ANKRD26: variants seen among roughly 807,000 people sequenced by gnomAD.
The protein encoded by ANKRD26 is ankyrin repeat domain-containing protein 26.
In ANKRD26, 141 loss-of-function variants were observed where a neutral mutation model predicts 208.7. That is an observed-to-expected ratio of 0.68 (90% CI 0.59 to 0.78). The LOEUF (loss-of-function observed/expected upper bound fraction) is 0.78. Ranked by LOEUF, ANKRD26 falls within the 30% of genes least tolerant of loss-of-function variation. The pLI, the probability that ANKRD26 is intolerant of heterozygous loss-of-function variation, is 0.00. For synonymous variants in ANKRD26, 636 were observed against 660.4 expected, an observed-to-expected ratio of 0.96 and a Z score of 0.57; for missense variants, 1,889 against 1,938.7, an observed-to-expected ratio of 0.97 and a Z score of 0.48.
rs532285641 is a variant in ANKRD26, at chr10:27,100,463, C to A, written c.-137G>T. On this transcript the variant is annotated 5_prime_UTR_variant, in exon 1 of 34. Coordinates refer to ENST00000376087, the MANE Select transcript of ANKRD26 (RefSeq NM_014915.3). ...CTCCGCGGTTTCCAATCTCTCCCTC[C>A]GGGTTACCAAGCAAGCGATCCCGCT... 1 of 1,323,982 alleles carries A rather than the reference C, an allele frequency of 7.6e-7. No homozygotes were observed. The highest frequency in any genetic ancestry group is 1.0e-6 in the Non-Finnish European group (1 of 982,904). 82.0% of individuals were successfully genotyped at this position (1,323,982 alleles called of 1,614,324 possible).
the ANKRD26 span, among the ~76,000 whole-genome samples, chr10:26,968,676 G>C: frequency 1.3e-5 from 2 of 152,204 alleles, no homozygotes; most frequent in Non-Finnish European, 2.9e-5. Context: ...AAACGTGGAG[G>C]CTGACTTTGA....
At chr10:26,982,775 C>T (rs970501168) in exon 4 of ANKRD26, among the ~76,000 whole-genome samples, 3 of 152,156 alleles carry the variant, frequency 2.0e-5, no homozygotes, top group Non-Finnish European at 4.4e-5. Context: ...TTCTCAGTTG[C>T]ACATTGTCTT....
At chr10:26,973,756 T>G (rs2052183647), downstream of ANKRD26, among the ~76,000 whole-genome samples, 1 of 139,388 alleles carries the variant, frequency 7.2e-6, no homozygotes. Flanking sequence ...TGGGTTCAAG[T>G]GATTCTGCTG....
intron 27 of ANKRD26, among the ~76,000 whole-genome samples, chr10:27,028,058 T>C (rs1228100577): frequency 6.6e-6 from 1 of 152,204 alleles, no homozygotes; most frequent in Non-Finnish European, 1.5e-5. Context: ...TAAGCTATGA[T>C]GTTCAGTAGG....
At chr10:26,991,867 T>A (rs2052493129), downstream of ANKRD26, 1 of 152,198 alleles carries the variant, frequency 6.6e-6, no homozygotes, top group Non-Finnish European at 1.5e-5. Flanking sequence ...CATGACTTCA[T>A]CTGGCTTGCT....
chr10:27,097,961 A>T (rs1359250107), intron 1 of ANKRD26, among the ~76,000 whole-genome samples: 1 of 151,752 alleles, frequency 6.6e-6, no homozygotes, highest in African/African-American at 2.4e-5. Context: ...CCTAATTATC[A>T]TTTATATTTG....
chr10:26,953,162 T>C, the ANKRD26 span, among the ~76,000 whole-genome samples: 1 of 152,302 alleles, frequency 6.6e-6, no homozygotes, highest in South Asian at 2.1e-4. Context: ...GAGTGGGTCA[T>C]GCCTGTAATC....
At chr10:26,972,677 G>A (rs1379342656), downstream of ANKRD26, among the ~76,000 whole-genome samples, 3 of 146,116 alleles carry the variant, frequency 2.1e-5, no homozygotes, top group South Asian at 4.3e-4. Context: ...TGCAAGTTCC[G>A]CCTCCCAGGT....
intron 31 of ANKRD26, among the ~76,000 whole-genome samples, 159 bp from the exon 32 acceptor site, chr10:27,013,269 T>C (rs1327217237): frequency 2.0e-5 from 3 of 152,238 alleles, no homozygotes; most frequent in East Asian, 3.8e-4. Flanking sequence ...GCCTACTGTA[T>C]GCAATTATAA....
At chr10:27,085,394 T>C (rs570172144) in intron 5 of ANKRD26, among the ~76,000 whole-genome samples, 2 of 152,168 alleles carry the variant, frequency 1.3e-5, no homozygotes, top group Non-Finnish European at 2.9e-5. Context: ...CCACCGCACC[T>C]GGCCAGAAGA....
chr10:27,046,901 A>C (rs2054467435), intron 17 of ANKRD26, among the ~76,000 whole-genome samples: 1 of 152,164 alleles, frequency 6.6e-6, no homozygotes, highest in Non-Finnish European at 1.5e-5. Flanking sequence ...ATGAGACAAA[A>C]AATGGGAGAA....
At position 27,061,183 on chromosome 10, in the gene ANKRD26, C is replaced by T. The variant is rs770938637; in HGVS notation, c.1423G>A (p.Glu475Lys). Residue 475 changes from glutamate to lysine, a missense_variant, in exon 13 of 34, where the codon GAG becomes AAG. This residue lies in a region of ANKRD26 where 1,272 missense variants were observed against 1,273.8 expected (regional missense o/e 1.00). Transcript: ENST00000376087. ...GGCATGCCTACATTTCTTGTATCCT[C>T]TAGTTTAGCCATCTTAAAGTTTCTT... Reference protein sequence around the residue: ...GSRNFKMAKLEDTRNVGMPVA... With the variant: ...GSRNFKMAKLKDTRNVGMPVA... 2.5e-6 allele frequency: 4 copies of T among 1,612,646 alleles called. No individual in the cohort carries two copies. The highest frequency in any genetic ancestry group is 1.7e-5 in the Admixed American group (1 of 59,976).
chr10:26,955,201 A>G, the ANKRD26 span, among the ~76,000 whole-genome samples: 64,683 of 151,610 alleles, frequency 0.43, 16,467 homozygotes, highest in Non-Finnish European at 0.54. Flanking sequence ...GGCCGAGGTG[A>G]GCAGATCACC....
chr10:27,081,189 A>T (rs952011579), intron 6 of ANKRD26, among the ~76,000 whole-genome samples: 3 of 145,702 alleles, frequency 2.1e-5, no homozygotes, highest in Non-Finnish European at 3.0e-5. Context: ...ACTCCCCTGA[A>T]CCCCCTATTT....
intron 16 of ANKRD26, chr10:27,051,550 T>C: frequency 1.0e-6 from 1 of 985,010 alleles, no homozygotes; most frequent in Non-Finnish European, 1.2e-6. Context: ...TTATAAAAAT[T>C]CTCATCTGTG....
At chr10:27,013,669 C>T (rs921486190) in intron 31 of ANKRD26, among the ~76,000 whole-genome samples, 1 of 152,172 alleles carries the variant, frequency 6.6e-6, no homozygotes, top group Non-Finnish European at 1.5e-5. Context: ...CATGTGCAAG[C>T]ATTTGCTTTC....
At chr10:27,081,052 T>C in intron 6 of ANKRD26, 1 of 614,700 alleles carries the variant, frequency 1.6e-6, no homozygotes. Context: ...CAGAAGTAGT[T>C]ATAGTACATT....
Position 27,005,446 on chromosome 10 carries a change from A to G in ANKRD26, c.*144T>C. On this transcript the variant is annotated 3_prime_UTR_variant, in exon 34 of 34. Coordinates refer to ENST00000376087, the MANE Select transcript of ANKRD26 (RefSeq NM_014915.3). ...CACTTAAAAGTTAAAGAAGCCAAGT[A>G]ACATTGTTTAAAATACTATATAAAT... is the stretch of plus-strand genomic sequence containing the variant. The G allele has an allele frequency of 7.1e-7, 1 of 1,409,388 alleles. No homozygotes were observed. Among genetic ancestry groups the G allele is most frequent in the Non-Finnish European group, 9.2e-7 (1 of 1,085,890 alleles). The allele number at this position is 1,409,388 out of a possible 1,614,324, so 87.3% of individuals were successfully genotyped here.
rs1448213237 is a variant in ANKRD26 at position 27,019,051 on chromosome 10, C to T, written c.4216-1259G>A. Among the ~76,000 whole-genome samples the T allele has an allele frequency of 1.5e-4, 23 of 152,126 alleles. No homozygotes were observed. The East Asian group carries it at 3.7e-3, about 24-fold the overall frequency. ...ATCCCAGCACTTTGGGAGGACAAGG[C>T]GGGTGGATCACGAGGTCAGGAGATT... On this transcript the variant is annotated intron_variant, in intron 29 of 33. Transcript: ENST00000376087.
Sources: gnomAD v4.1 joint callset for allele counts (sites outside exome capture counted in the v4.1 genomes callset) on GRCh38, gnomAD v4.1.1 for gene constraint, gnomAD v4.1.1 regional missense constraint, MANE v1.5 for transcripts, NCBI Gene and HGNC (gene_info 2026-07-23, HGNC 2026-07-21) for gene names.